Variants in DENND1B observed in about 807,000 individuals in gnomAD.
DENND1B encodes DENN domain containing 1B.
In DENND1B, 59 loss-of-function variants were observed where a neutral mutation model predicts 90.1. The ratio of observed to expected loss-of-function variants is 0.65; its 90% CI spans 0.53 to 0.81. DENND1B has a LOEUF of 0.81. Ranked by LOEUF, DENND1B falls within the 40% of genes least tolerant of loss-of-function variation. The pLI, the probability that DENND1B is intolerant of heterozygous loss-of-function variation, is 0.00. For missense variants in DENND1B, 862 were observed against 912.6 expected (o/e 0.94, Z 0.71); for synonymous variants, 337 against 324.6 (o/e 1.04, Z -0.41).
intron 14 of DENND1B, among the ~76,000 whole-genome samples, chr1:197,594,361 A>G (rs980749564): frequency 1.7e-4 from 26 of 152,166 alleles, no homozygotes; most frequent in African/African-American, 6.0e-4. Flanking sequence ...ATCCTGAAAG[A>G]TAGAGGGGGA....
intron 2 of DENND1B, among the ~76,000 whole-genome samples, chr1:197,742,769 T>C (rs1316872753): frequency 6.6e-6 from 1 of 152,140 alleles, no homozygotes; most frequent in Non-Finnish European, 1.5e-5. Context: ...TTGTGGAAGA[T>C]AATATCAAAT....
chr1:197,730,137 AATTAAG>A (rs1662021527), intron 2 of DENND1B, among the ~76,000 whole-genome samples: 1 of 152,132 alleles, frequency 6.6e-6, no homozygotes, highest in African/African-American at 2.4e-5. Context: ...CTTGTTTTCT[AATTAAG>A]ATTTTCTTTA....
intron 3 of DENND1B, among the ~76,000 whole-genome samples, chr1:197,714,180 A>T (rs893139072): frequency 4.6e-5 from 7 of 151,178 alleles, no homozygotes. Flanking sequence ...TCACCATGTT[A>T]GTCAGGCTGG....
At chr1:197,734,667 A>G in intron 2 of DENND1B, 1 of 985,330 alleles carries the variant, frequency 1.0e-6, no homozygotes, top group South Asian at 4.7e-5. Context: ...CCCTACAAAC[A>G]GACAGCAATT....
chr1:197,716,971 G>A (rs185452405), intron 2 of DENND1B, among the ~76,000 whole-genome samples: 6 of 151,548 alleles, frequency 4.0e-5, no homozygotes, highest in Admixed American at 1.3e-4. Context: ...CTGTTTTTTC[G>A]GAGAGAGAAC....
intron 13 of DENND1B, 76 bp downstream of exon 13, chr1:197,606,997 T>A: frequency 9.5e-7 from 1 of 1,048,918 alleles, no homozygotes; most frequent in Non-Finnish European, 1.4e-6. Flanking sequence ...ATATTAAAAG[T>A]GGGAAAAATA....
chr1:197,724,186 C>CA (rs1661428788), intron 2 of DENND1B, among the ~76,000 whole-genome samples: 1 of 151,956 alleles, frequency 6.6e-6, no homozygotes, highest in Admixed American at 6.6e-5. Flanking sequence ...ATACTAACTA[C>CA]AAAAATGACT....
intron 20 of DENND1B, among the ~76,000 whole-genome samples, chr1:197,523,972 TA>T (rs200777392): frequency 7.9e-5 from 12 of 151,242 alleles, no homozygotes; most frequent in African/African-American, 1.9e-4. Flanking sequence ...AGTCAAGTGA[TA>T]AAAAAAACTC....
rs1655565524 is a variant in DENND1B at position 197,672,049 on chromosome 1, A to G, written c.284T>C (p.Leu95Ser). 6 of 1,612,144 alleles carry G rather than the reference A, an allele frequency of 3.7e-6. No individual in the cohort carries two copies. Among genetic ancestry groups the G allele is most frequent in the Non-Finnish European group, 5.1e-6 (6 of 1,178,912 alleles). Residue 95 changes from leucine to serine, a missense_variant, in exon 5 of 23, where the codon TTA becomes TCA. Transcript: ENST00000620048. Reference sequence around the variant, plus strand: ...TACAAATACTCACCTAAGGATGCATAAACAAATTGTGCCTCCTGACGTCAG... The same window carrying G: ...TACAAATACTCACCTAAGGATGCATGAACAAATTGTGCCTCCTGACGTCAG... ...CRLTSGGTIC[L>S]CILSYLPWFE...
intron 13 of DENND1B, among the ~76,000 whole-genome samples, chr1:197,595,654 T>C (rs748531058): frequency 1.3e-5 from 2 of 152,138 alleles, no homozygotes; most frequent in Non-Finnish European, 2.9e-5. Context: ...AATTACAACA[T>C]GTGTCTACTT....
chr1:197,615,501 A>C (rs1294650050), intron 11 of DENND1B, among the ~76,000 whole-genome samples: 1 of 151,058 alleles, frequency 6.6e-6, no homozygotes, highest in Non-Finnish European at 1.5e-5. Flanking sequence ...TTTTCCTATC[A>C]AATCTTCATG....
At chr1:197,779,067 C>G (rs1387052877), upstream of DENND1B, among the ~76,000 whole-genome samples, 1 of 152,096 alleles carries the variant, frequency 6.6e-6, no homozygotes, top group Non-Finnish European at 1.5e-5. Flanking sequence ...AGAACTTTAC[C>G]ATTCTTTTGT....
chr1:197,572,072 T>C (rs940449972), intron 15 of DENND1B, among the ~76,000 whole-genome samples: 3 of 152,056 alleles, frequency 2.0e-5, no homozygotes, highest in Admixed American at 2.0e-4. Flanking sequence ...GGTTGGGCAG[T>C]GGGTACAGCC....
chr1:197,624,607 C>T (rs189901979), intron 10 of DENND1B, among the ~76,000 whole-genome samples: 12 of 151,838 alleles, frequency 7.9e-5, no homozygotes, highest in Admixed American at 4.6e-4. Flanking sequence ...AAAAGCAGAG[C>T]GCCTCTCCTC....
intron 3 of DENND1B, among the ~76,000 whole-genome samples, chr1:197,702,156 AAAT>A (rs1013657083): frequency 6.6e-6 from 1 of 152,192 alleles, no homozygotes; most frequent in African/African-American, 2.4e-5. Flanking sequence ...AACATCTATA[AAAT>A]AGGAAGTTGA....
intron 20 of DENND1B, among the ~76,000 whole-genome samples, chr1:197,538,702 G>A (rs1250570754): frequency 1.6e-5 from 2 of 128,282 alleles, no homozygotes; most frequent in East Asian, 4.8e-4. Flanking sequence ...TAGAGTTTCA[G>A]TACAGCTTCA....
chr1:197,693,013 T>C (rs1306486994), intron 3 of DENND1B, among the ~76,000 whole-genome samples: 2 of 151,678 alleles, frequency 1.3e-5, no homozygotes, highest in Non-Finnish European at 3.0e-5. Flanking sequence ...CCTCTTACCA[T>C]ATGCCTTATT....
chr1:197,547,005 A>T (rs950461628), intron 16 of DENND1B, among the ~76,000 whole-genome samples: 3 of 152,218 alleles, frequency 2.0e-5, no homozygotes, highest in Non-Finnish European at 2.9e-5. Context: ...TATACAACTT[A>T]CCTAATCTTT....
chr1:197,761,457 G>A (rs1655044564), intron 2 of DENND1B, among the ~76,000 whole-genome samples: 1 of 152,086 alleles, frequency 6.6e-6, no homozygotes, highest in Non-Finnish European at 1.5e-5. Flanking sequence ...GACATATGAT[G>A]TTCCCGTGTA....
Sources: allele counts gnomAD v4.1 joint callset (sites outside exome capture counted in the v4.1 genomes callset), GRCh38; gene constraint gnomAD v4.1.1; transcripts MANE v1.5; gene names NCBI Gene and HGNC (gene_info 2026-07-23, HGNC 2026-07-21).